Variants in ELAVL2 observed in about 807,000 individuals in gnomAD.
The protein encoded by ELAVL2 is ELAV-like protein 2.
In ELAVL2, 4 loss-of-function variants were observed where a neutral mutation model predicts 34.6. The ratio of observed to expected loss-of-function variants is 0.12; its 90% confidence interval spans 0.06 to 0.26. The LOEUF (loss-of-function observed/expected upper bound fraction) is 0.26. ELAVL2 is among the 10% of genes least tolerant of loss of function. The pLI is 1.00. For missense variants in ELAVL2, 432 were observed against 442.8 expected, an observed-to-expected ratio of 0.98 and a Z score of 0.22; for synonymous variants, 193 against 154.8, an observed-to-expected ratio of 1.25 and a Z score of -1.83.
At chr9:23,756,582 G>A (rs1034014755) in intron 2 of ELAVL2, among the ~76,000 whole-genome samples, 6 of 151,852 alleles carry the variant, frequency 4.0e-5, no homozygotes, top group Non-Finnish European at 8.8e-5. Flanking sequence ...ACACATGCTC[G>A]CACACGTGCT....
chr9:23,716,919 G>A lies in ELAVL2; in HGVS notation c.334-11848C>T, dbSNP rs186946759. Among the ~76,000 whole-genome samples, 12 of 152,320 alleles carry A rather than the reference G, an allele frequency of 7.9e-5. No individual in the cohort carries two copies. The East Asian group carries it at 2.3e-3, about 29-fold the overall frequency. On this transcript the variant is annotated intron_variant, in intron 3 of 6. Transcript: ENST00000397312. Reference sequence around the variant, plus strand: ...ACTAGAACAGTGAGTTGAGGGCAGAGTCTAGAGACCTTGAATGTCAGGGCA... The same window carrying A: ...ACTAGAACAGTGAGTTGAGGGCAGAATCTAGAGACCTTGAATGTCAGGGCA...
chr9:23,761,730 T>C (rs990672376), intron 2 of ELAVL2, among the ~76,000 whole-genome samples: 2 of 152,092 alleles, frequency 1.3e-5, no homozygotes, highest in African/African-American at 4.8e-5. Context: ...TGACACTGGC[T>C]ATCCCAGATA....
intron 2 of ELAVL2, among the ~76,000 whole-genome samples, chr9:23,753,963 T>A (rs115050242): frequency 1.6e-3 from 240 of 152,308 alleles, no homozygotes; most frequent in African/African-American, 5.6e-3. Context: ...AGACTATTCC[T>A]AATCTACTGG....
chr9:23,845,875 A>C, the ELAVL2 span, among the ~76,000 whole-genome samples: 9 of 151,850 alleles, frequency 5.9e-5, no homozygotes, highest in Non-Finnish European at 1.3e-4. Flanking sequence ...GTGCAGATAG[A>C]GTTATTCTGA....
In ELAVL2 at chr9:23,691,809, C is replaced by T. The variant is rs918089039; in HGVS notation, c.*748G>A. 3.3e-5 allele frequency: 5 copies of T among 152,538 alleles called. No homozygotes were observed. The highest frequency in any genetic ancestry group is 5.9e-5 in the Non-Finnish European group (4 of 68,000). The allele number at this position is 152,538 out of a possible 1,614,324, so 9.4% of individuals were successfully genotyped here. On this transcript the variant is annotated 3_prime_UTR_variant, in exon 7 of 7. Coordinates refer to ENST00000397312, the MANE Select transcript of ELAVL2 (RefSeq NM_004432.5). ...TAAATTTTAAAAGCTCACTAGGTGT[C>T]ATATGAAGAGATTTCTCAAAGTATT...
At chr9:23,732,978 A>G (rs1362293791) in intron 2 of ELAVL2, among the ~76,000 whole-genome samples, 6 of 152,162 alleles carry the variant, frequency 3.9e-5, no homozygotes, top group African/African-American at 1.4e-4. Context: ...AAGATGCCAC[A>G]AATATAACAG....
At chr9:23,728,893 T>C (rs887211573) in intron 3 of ELAVL2, among the ~76,000 whole-genome samples, 1 of 152,076 alleles carries the variant, frequency 6.6e-6, no homozygotes, top group Non-Finnish European at 1.5e-5. Flanking sequence ...AGGAACCAAA[T>C]AGGGGCGGGG....
intron 1 of ELAVL2, among the ~76,000 whole-genome samples, chr9:23,808,966 A>T (rs910536920): frequency 1.3e-5 from 2 of 152,184 alleles, no homozygotes; most frequent in South Asian, 4.1e-4. Flanking sequence ...AAATTTAAGG[A>T]AACACAACAA....
intron 2 of ELAVL2, among the ~76,000 whole-genome samples, chr9:23,733,440 G>A (rs1043292879): frequency 1.3e-5 from 2 of 152,214 alleles, no homozygotes; most frequent in African/African-American, 4.8e-5. Context: ...CCACCATGTT[G>A]AGAAATCACT....
At position 23,717,425 on chromosome 9, in the gene ELAVL2, A is replaced by G. The variant is rs545066427; in HGVS notation, c.334-12354T>C. ...CACTAAAGGGGGATAAATGTAAAGT[A>G]CAGGGCTAGGTTTAATCAAATTTTC... On this transcript the variant is annotated intron_variant, in intron 3 of 6. Transcript: ENST00000397312. Among the ~76,000 whole-genome samples, 5 of 152,338 alleles carry G rather than the reference A, an allele frequency of 3.3e-5. No individual in the cohort carries two copies. In the East Asian group the frequency reaches 7.7e-4, roughly 23 times the overall value.
chr9:23,806,802 T>C (rs996072776), intron 1 of ELAVL2, among the ~76,000 whole-genome samples: 6 of 152,144 alleles, frequency 3.9e-5, no homozygotes, highest in African/African-American at 9.7e-5. Context: ...CAATGGGAAG[T>C]TGTTACCCCA....
At chr9:23,764,906 T>C in intron 1 of ELAVL2, 2 of 1,157,010 alleles carry the variant, frequency 1.7e-6, no homozygotes, top group Non-Finnish European at 2.5e-6. Flanking sequence ...GTAAGAATAA[T>C]TAGTATGCCA....
At chr9:23,838,051 A>G in the ELAVL2 span, among the ~76,000 whole-genome samples, 1 of 152,212 alleles carries the variant, frequency 6.6e-6, no homozygotes, top group East Asian at 1.9e-4. Context: ...TATAGTAAAC[A>G]GTTATAAAGC....
At chr9:23,695,065 T>C (rs1454341113) in intron 5 of ELAVL2, among the ~76,000 whole-genome samples, 1 of 152,162 alleles carries the variant, frequency 6.6e-6, no homozygotes, top group East Asian at 1.9e-4. Flanking sequence ...TGCACATAAG[T>C]AAAAAGATGT....
At chr9:23,841,628 G>T in the ELAVL2 span, among the ~76,000 whole-genome samples, 1 of 152,224 alleles carries the variant, frequency 6.6e-6, no homozygotes, top group South Asian at 2.1e-4. Context: ...GCAAGCTGTT[G>T]GTAGATCAAG....
chr9:23,846,161 G>C, the ELAVL2 span, among the ~76,000 whole-genome samples: 2 of 151,962 alleles, frequency 1.3e-5, no homozygotes, highest in East Asian at 3.9e-4. Flanking sequence ...ATTTATTAGA[G>C]AGTCTATCAT....
intron 2 of ELAVL2, among the ~76,000 whole-genome samples, chr9:23,756,395 T>A (rs1188872530): frequency 6.6e-6 from 1 of 152,136 alleles, no homozygotes; most frequent in Non-Finnish European, 1.5e-5. Flanking sequence ...TAGCAGCTGA[T>A]GAGGTCAGTA....
chr9:23,716,460 A>G (rs1393162172), intron 3 of ELAVL2, among the ~76,000 whole-genome samples: 1 of 152,184 alleles, frequency 6.6e-6, no homozygotes, highest in Non-Finnish European at 1.5e-5. Flanking sequence ...CAAAGTTAAA[A>G]ATGGCATTAA....
chr9:23,779,455 A>T, intron 1 of ELAVL2: 1 of 977,460 alleles, frequency 1.0e-6, no homozygotes, highest in Non-Finnish European at 1.2e-6. Context: ...TGAAAGCTAG[A>T]GAGTGGGTGG....
Sources: gnomAD v4.1 joint callset for allele counts (sites outside exome capture counted in the v4.1 genomes callset) on GRCh38, gnomAD v4.1.1 for gene constraint, MANE v1.5 for transcripts, NCBI Gene and HGNC (gene_info 2026-07-23, HGNC 2026-07-21) for gene names.